The following PTDSS2 variants were observed in gnomAD, a reference collection of about 807,000 sequenced individuals.
PTDSS2 encodes the protein phosphatidylserine synthase 2, also known as PSS-2.
PTDSS2 carries 41 observed loss-of-function variants against 64.7 expected under a neutral mutation model. The ratio of observed to expected loss-of-function variants is 0.63; its 90% CI spans 0.49 to 0.82. The LOEUF (loss-of-function observed/expected upper bound fraction) is 0.82. Among genes scored for constraint, PTDSS2 ranks in the 40% least tolerant of loss-of-function variants. The probability of loss-of-function intolerance (pLI) is 0.00; values close to 1 mark genes in which losing one functional copy is unlikely to be tolerated. For missense variants in PTDSS2, 485 were observed against 650.0 expected, an observed-to-expected ratio of 0.75 and a Z score of 2.76; for synonymous variants, 297 against 277.8, an observed-to-expected ratio of 1.07 and a Z score of -0.69.
At position 485,929 on chromosome 11, in the gene PTDSS2, C is replaced by T. The variant is rs527913795; in HGVS notation, c.436-1010C>T. On this transcript the variant is annotated intron_variant, in intron 4 of 11. Coordinates refer to ENST00000308020, the MANE Select transcript of PTDSS2 (RefSeq NM_030783.3). ...AGTGCACGGGCGCGCGTGTGCTCAC[C>T]GTGCGCGCAGGCGAGCGTAAACAGT... Among the ~76,000 whole-genome samples the T allele has an allele frequency of 1.5e-4, 12 of 81,252 alleles. 1 individual carries two copies. The highest frequency in any genetic ancestry group is 5.6e-4 in the African/African-American group (10 of 17,728). The allele number at this position is 81,252 out of a possible 152,430, so 53.3% of individuals were successfully genotyped here. A position where few individuals can be genotyped will look rare whatever the true frequency, so the allele number is the denominator to read the frequency against.
Position 450,394 on chromosome 11 carries a change from G to A in PTDSS2, c.-62G>A, listed in dbSNP as rs992579587. ...CGCGCTGTGTGCGGCGCGTCCTCTCGCCGGTGACCCGGTGTGCGTGGGGTC... is the reference window on the plus strand; with the variant it reads ...CGCGCTGTGTGCGGCGCGTCCTCTCACCGGTGACCCGGTGTGCGTGGGGTC... On this transcript the variant is annotated 5_prime_UTR_variant, in exon 1 of 12. Transcript: ENST00000308020. 65 of 1,204,378 alleles carry A rather than the reference G, an allele frequency of 5.4e-5. No homozygotes were observed. The highest frequency in any genetic ancestry group is 6.5e-5 in the Non-Finnish European group (63 of 966,350). 74.6% of individuals were successfully genotyped at this position (1,204,378 alleles called of 1,614,324 possible).
Position 489,747 on chromosome 11 carries a change from C to A in PTDSS2, c.1115+14C>A. 1 of 1,605,642 alleles carries A rather than the reference C, an allele frequency of 6.2e-7. No homozygotes were observed. Among genetic ancestry groups the A allele is most frequent in the Non-Finnish European group, 8.5e-7 (1 of 1,176,240 alleles). On this transcript the variant is annotated intron_variant, in intron 10 of 11. Transcript: ENST00000308020. ...CATGGATGACCCGTGAGGGCTGCGG[C>A]AGTCCGGGTGGAGACACCCCCGGGG...
intron 2 of PTDSS2, among the ~76,000 whole-genome samples, chr11:468,495 G>A (rs1028580109): frequency 3.3e-5 from 5 of 152,242 alleles, no homozygotes; most frequent in South Asian, 2.1e-4. Flanking sequence ...GGGGAAGGCC[G>A]ACTGACAAGA....
rs993119843 is a variant in PTDSS2, at chr11:489,931, C to T, written c.1164C>T (p.Ile388=). ...CGCAGGCCTGGCTGGTGGCGGCCAT[C>T]ACGGCCACGGAGCTGCTCATCGTGG... The part of the protein sequence containing the change: ...LGPQAWLVAA[I]TATELLIVVK... Residue 388 remains isoleucine, a synonymous_variant, in exon 11 of 12, where the codon ATC becomes ATT. Coordinates refer to ENST00000308020, the MANE Select transcript of PTDSS2 (RefSeq NM_030783.3). The T allele has an allele frequency of 1.0e-5, 16 of 1,606,040 alleles. No homozygotes were observed. In the South Asian group the frequency reaches 1.8e-4, roughly 18 times the overall value.
chr11:490,799 C>G lies in PTDSS2; in HGVS notation c.*217C>G. The G allele has an allele frequency of 1.7e-6, 1 of 574,404 alleles. No homozygotes were observed. Among genetic ancestry groups the G allele is most frequent in the Non-Finnish European group, 3.1e-6 (1 of 324,044 alleles). 35.6% of individuals were successfully genotyped at this position (574,404 alleles called of 1,614,324 possible). On this transcript the variant is annotated 3_prime_UTR_variant, in exon 12 of 12. Coordinates refer to ENST00000308020, the MANE Select transcript of PTDSS2 (RefSeq NM_030783.3). ...GTGTACGTGTGTATGCGTGTGTGTACGCGTGTGTACGCGCGTGTGTACACA... is the reference window on the plus strand; with the variant it reads ...GTGTACGTGTGTATGCGTGTGTGTAGGCGTGTGTACGCGCGTGTGTACACA...
At chr11:475,483 C>T (rs1847757826) in intron 3 of PTDSS2, among the ~76,000 whole-genome samples, 1 of 151,368 alleles carries the variant, frequency 6.6e-6, no homozygotes, top group South Asian at 2.1e-4. Context: ...GTGATACAGA[C>T]ATATTCACGC....
chr11:491,334 A>C lies in PTDSS2; in HGVS notation c.*752A>C, dbSNP rs1044707. On this transcript the variant is annotated 3_prime_UTR_variant, in exon 12 of 12. Coordinates refer to ENST00000308020, the MANE Select transcript of PTDSS2 (RefSeq NM_030783.3). ...CCTCCGTGGCTCCAAGGTGAGGGTC[A>C]TCTTCACGAGCAAAGAGAACCAATA... 14,808 of 152,472 alleles carry C rather than the reference A, an allele frequency of 0.097. 994 individuals carry two copies. The highest frequency in any genetic ancestry group is 0.19 in the Admixed American group (2,853 of 15,290). 9.4% of individuals were successfully genotyped at this position (152,472 alleles called of 1,614,324 possible). A position where few individuals can be genotyped will look rare whatever the true frequency, so the allele number is the denominator to read the frequency against.
At chr11:489,786 G>A (rs904503939) in intron 10 of PTDSS2, 53 bp downstream of exon 10, 1 of 1,577,860 alleles carries the variant, frequency 6.3e-7, no homozygotes, top group East Asian at 2.3e-5. Flanking sequence ...AGGGGCCGGA[G>A]GGCTGGGGAG....
chr11:465,015 C>T lies in PTDSS2; in HGVS notation c.284+4727C>T, dbSNP rs537417195. ...ACAGGCGCGCACGACTGCAGGCAGC[C>T]GATCCTTGACAAAGGAACAAAGGCA... On this transcript the variant is annotated intron_variant, in intron 2 of 11. Transcript: ENST00000308020. 3.9e-5 allele frequency among the ~76,000 whole-genome samples: 6 copies of T among 152,200 alleles called. No individual in the cohort carries two copies. In the South Asian group the frequency reaches 8.3e-4, roughly 21 times the overall value.
intron 1 of PTDSS2, among the ~76,000 whole-genome samples, chr11:454,095 G>T (rs955004680): frequency 6.6e-6 from 1 of 152,240 alleles, no homozygotes; most frequent in African/African-American, 2.4e-5. Flanking sequence ...AAGATGTGTA[G>T]ACGTCGTGCT....
intron 1 of PTDSS2, chr11:459,734 G>C (rs771431459): frequency 6.4e-5 from 11 of 171,806 alleles, no homozygotes; most frequent in South Asian, 1.3e-4. Context: ...CACTCTGCAG[G>C]CCTCTGCTCA....
At position 462,070 on chromosome 11, in the gene PTDSS2, G is replaced by C. The variant is rs1270412524; in HGVS notation, c.284+1782G>C. On this transcript the variant is annotated intron_variant, in intron 2 of 11. Transcript: ENST00000308020. This position sits in a 1 kb window ranked among gnomAD's most constrained non-coding sequence, Gnocchi z 4.5. ...TCAAGTGTCCCACATGGCAAGAATTGTCAAGAGCAGGAGTGCAGGGGGTGT... is the reference window on the plus strand; with the variant it reads ...TCAAGTGTCCCACATGGCAAGAATTCTCAAGAGCAGGAGTGCAGGGGGTGT... Among the ~76,000 whole-genome samples the C allele has an allele frequency of 6.6e-6, 1 of 152,166 alleles. No homozygotes were observed. Among genetic ancestry groups the C allele is most frequent in the East Asian group, 1.9e-4 (1 of 5,190 alleles).
intron 2 of PTDSS2, among the ~76,000 whole-genome samples, chr11:473,451 C>T (rs762784157): frequency 3.3e-5 from 5 of 152,230 alleles, no homozygotes; most frequent in Non-Finnish European, 7.3e-5. Context: ...GCGGGGCATT[C>T]GGTGGCCTCT....
chr11:487,025 C>T lies in PTDSS2; in HGVS notation c.522C>T (p.Cys174=), dbSNP rs1169802499. The T allele has an allele frequency of 5.0e-6, 8 of 1,613,576 alleles. No individual in the cohort carries two copies. Among genetic ancestry groups the T allele is most frequent in the Non-Finnish European group, 6.8e-6 (8 of 1,179,928 alleles). ...PLPERDYGGN[C]LIYDPDNETD... is the part of the protein sequence containing the mutation. ...CAGAGAGAGACTACGGGGGAAACTG[C>T]CTCATCTACGACCCAGACAATGAGA... The change falls in exon 5 of 12, where the codon TGC becomes TGT. Residue 174 remains cysteine (C), a synonymous_variant. Coordinates refer to ENST00000308020, the MANE Select transcript of PTDSS2 (RefSeq NM_030783.3).
intron 2 of PTDSS2, among the ~76,000 whole-genome samples, chr11:469,233 A>G (rs111163700): frequency 4.1e-3 from 233 of 56,294 alleles, no homozygotes; most frequent in Admixed American, 8.5e-3. Flanking sequence ...GGAGGAGGAG[A>G]GGAGTCTCTG....
chr11:490,023 G>C lies in PTDSS2; in HGVS notation c.1256G>C (p.Gly419Ala). The C allele has an allele frequency of 6.2e-7, 1 of 1,611,296 alleles. No individual in the cohort carries two copies. Residue 419 changes from glycine (G) to alanine (A), a missense_variant, in exon 11 of 12, where the codon GGC (glycine) becomes GCC (alanine). Transcript: ENST00000308020. ...PFYISQCWTL[G>A]SVLALTWTVW... ...TACATCTCCCAGTGCTGGACCCTCG[G>C]CTCCGTCCTGGCGCTCACCTGGACC... is the stretch of plus-strand genomic sequence containing the variant.
chr11:477,649 G>T (rs1324021589), intron 3 of PTDSS2, among the ~76,000 whole-genome samples: 8 of 152,238 alleles, frequency 5.3e-5, no homozygotes, highest in Non-Finnish European at 7.3e-5. Flanking sequence ...GTTAGTACTG[G>T]TCGTGGTGAC....
chr11:450,692 C>G (rs778888081), intron 1 of PTDSS2, 55 bp downstream of exon 1: 7 of 1,228,234 alleles, frequency 5.7e-6, no homozygotes, highest in Non-Finnish European at 7.2e-6. Context: ...CTGGGGGTTC[C>G]GGCACCGCTG....
chr11:488,797 C>G (rs540519991), intron 8 of PTDSS2, 150 bp downstream of exon 8: 1 of 660,344 alleles, frequency 1.5e-6, no homozygotes, highest in African/African-American at 1.8e-5. Flanking sequence ...TGGAACCTCC[C>G]TCTGACCTGG....
Sources: gnomAD v4.1 joint callset for allele counts (sites outside exome capture counted in the v4.1 genomes callset) on GRCh38, gnomAD v4.1.1 for gene constraint, Gnocchi (gnomAD v3.1) non-coding constraint, MANE v1.5 for transcripts, NCBI Gene and HGNC (gene_info 2026-07-23, HGNC 2026-07-21) for gene names.